Variants in HNRNPF observed in about 807,000 individuals in gnomAD.
HNRNPF encodes heterogeneous nuclear ribonucleoprotein F, also known as HnRNP F protein.
In HNRNPF, 2 loss-of-function variants were observed where a neutral mutation model predicts 26.0. The observed-to-expected ratio is 0.08, with a 90% CI of 0.03 to 0.24. The LOEUF (loss-of-function observed/expected upper bound fraction) is 0.24. HNRNPF is among the 10% of genes least tolerant of loss of function. The pLI, the probability that HNRNPF is intolerant of heterozygous loss-of-function variation, is 1.00. For missense variants in HNRNPF, 299 were observed against 539.2 expected (o/e 0.55, Z 4.41); for synonymous variants, 234 against 211.5 (o/e 1.11, Z -0.92).
chr10:43,386,883 C>G lies in HNRNPF; in HGVS notation c.1002G>C (p.Glu334Asp). 1.2e-6 allele frequency: 2 copies of G among 1,614,224 alleles called. No homozygotes were observed. The highest frequency in any genetic ancestry group is 1.7e-6 in the Non-Finnish European group (2 of 1,180,050). Residue 334 changes from glutamate to aspartate, a missense_variant, in exon 4 of 4, where the codon GAG (glutamate) becomes GAC (aspartate). Glu to Asp is a conservative substitution (Grantham distance 45). Coordinates refer to ENST00000682386, the MANE Select transcript of HNRNPF (RefSeq NM_001098204.2). ...DGRVTGEADVEFATHEEAVAA... is the reference protein window; with the variant it reads ...DGRVTGEADVDFATHEEAVAA... The stretch of plus-strand genomic sequence containing the variant: ...CCACAGCTTCTTCATGAGTAGCAAA[C>G]TCAACATCTGCTTCACCCGTCACTC...
In HNRNPF at chr10:43,387,765, G is replaced by A. The variant is rs138444709; in HGVS notation, c.120C>T (p.Ala40=). ...TAGTGTAGATGAAATGGACACCTGC[G>A]GCCCCATCATGAATCGTGCAGTCAG... The part of the protein sequence containing the change: ...FLSDCTIHDG[A]AGVHFIYTRE... The change falls in exon 4 of 4, where the codon GCC becomes GCT. Residue 40 remains alanine, a synonymous_variant. Transcript: ENST00000682386. The surrounding 1 kb of genome is among the most constrained non-coding windows in gnomAD (Gnocchi z 6.0). 4.7e-5 allele frequency: 76 copies of A among 1,612,986 alleles called. No individual in the cohort carries two copies. The highest frequency in any genetic ancestry group is 1.2e-4 in the South Asian group (11 of 91,016).
At chr10:43,391,477 AG>A (rs774375487) in intron 3 of HNRNPF, among the ~76,000 whole-genome samples, 2 of 151,894 alleles carry the variant, frequency 1.3e-5, no homozygotes, top group Non-Finnish European at 2.9e-5. Context: ...CCACCACACA[AG>A]AAAAAAAAAA....
At chr10:43,400,894 TAATA>T (rs879644242) in intron 1 of HNRNPF, among the ~76,000 whole-genome samples, 126 of 96,028 alleles carry the variant, frequency 1.3e-3, no homozygotes, top group Admixed American at 2.5e-3. Context: ...TCAGGAGGGC[TAATA>T]CGGTGAAACC....
chr10:43,402,135 A>C (rs1838771543), intron 1 of HNRNPF, among the ~76,000 whole-genome samples: 1 of 152,216 alleles, frequency 6.6e-6, no homozygotes, highest in Non-Finnish European at 1.5e-5. Flanking sequence ...TAAAAAAAAA[A>C]ACTTTCTGGA....
intron 2 of HNRNPF, among the ~76,000 whole-genome samples, 168 bp downstream of exon 2, chr10:43,396,288 C>T (rs1449885744): frequency 4.6e-5 from 7 of 152,240 alleles, no homozygotes; most frequent in Admixed American, 2.6e-4. Context: ...AGGAAGGATC[C>T]TGGCCTCCCC....
intron 3 of HNRNPF, among the ~76,000 whole-genome samples, chr10:43,390,958 T>C (rs1482436594): frequency 6.6e-6 from 1 of 151,964 alleles, no homozygotes. Context: ...CTCCAGACAT[T>C]CCCAAATGTT....
At position 43,387,549 on chromosome 10, in the gene HNRNPF, G is replaced by A. The variant is rs753415568; in HGVS notation, c.336C>T (p.Phe112=). The A allele has an allele frequency of 3.8e-5, 61 of 1,614,010 alleles. No homozygotes were observed. Among genetic ancestry groups the A allele is most frequent in the Middle Eastern group, 1.6e-4 (1 of 6,084 alleles). ...CAAATGGGAGTCCTCGAAGCCGCAC[G>A]AAGCCATCGTTGGCGCTGTCGGCAC... The part of the protein sequence containing the change: ...PNSADSANDG[F]VRLRGLPFGC... Residue 112 remains phenylalanine, a synonymous_variant, in exon 4 of 4, where the codon TTC becomes TTT. Transcript: ENST00000682386. The surrounding 1 kb of genome is among the most constrained non-coding windows in gnomAD (Gnocchi z 6.0).
At chr10:43,408,312 G>C (rs964110406) in intron 1 of HNRNPF, among the ~76,000 whole-genome samples, 2 of 152,136 alleles carry the variant, frequency 1.3e-5, no homozygotes, top group Non-Finnish European at 2.9e-5. Context: ...CTCAGCCCGC[G>C]GTGCTCACCG....
chr10:43,394,175 T>A (rs1445774805), intron 3 of HNRNPF, among the ~76,000 whole-genome samples: 5 of 152,172 alleles, frequency 3.3e-5, no homozygotes, highest in African/African-American at 1.2e-4. Context: ...GTTGCCCATG[T>A]GTAGGGGGGT....
intron 1 of HNRNPF, among the ~76,000 whole-genome samples, chr10:43,400,280 T>C (rs1265867593): frequency 6.6e-6 from 1 of 152,244 alleles, no homozygotes; most frequent in Non-Finnish European, 1.5e-5. Flanking sequence ...GGACACTTGT[T>C]CAAATTATTT....
Position 43,387,099 on chromosome 10 carries a change from T to C in HNRNPF, c.786A>G (p.Arg262=), listed in dbSNP as rs1439624000. 1 of 1,613,560 alleles carries C rather than the reference T, an allele frequency of 6.2e-7. No individual in the cohort carries two copies. Among genetic ancestry groups the C allele is most frequent in the South Asian group, 1.1e-5 (1 of 91,082 alleles). The change falls in exon 4 of 4, where the codon AGA becomes AGG. Residue 262 remains arginine, a synonymous_variant. Transcript: ENST00000682386. The surrounding 1 kb of genome is among the most constrained non-coding windows in gnomAD (Gnocchi z 6.0). ...TTCCGGAGAGACAGTAGCTGAGGTCTCTCCCGAACAGGTCGGTGGTGAAGC... is the reference window on the plus strand; with the variant it reads ...TTCCGGAGAGACAGTAGCTGAGGTCCCTCCCGAACAGGTCGGTGGTGAAGC... ...GYGFTTDLFG[R]DLSYCLSGMY... is the part of the protein sequence containing the mutation.
chr10:43,387,938 TG>T lies in HNRNPF; in HGVS notation c.-52-3del, dbSNP rs1838093838. 4.9e-6 allele frequency: 7 copies of T among 1,436,828 alleles called. No individual in the cohort carries two copies. Among genetic ancestry groups the T allele is most frequent in the South Asian group, 2.8e-5 (2 of 72,278 alleles). The allele number at this position is 1,436,828 out of a possible 1,614,324, so 89.0% of individuals were successfully genotyped here. A position where few individuals can be genotyped will look rare whatever the true frequency, so the allele number is the denominator to read the frequency against. ...ATCTTGGGTGTGGCTTTTTTGTGGC[TG>T]GAAAAAAAAAAAAGAAAAATTTATT... On this transcript the variant is annotated splice_polypyrimidine_tract_variant and splice_region_variant and intron_variant, in intron 3 of 3. Transcript: ENST00000682386. The surrounding 1 kb of genome is among the most constrained non-coding windows in gnomAD (Gnocchi z 6.0).
chr10:43,388,524 C>G (rs1223894463), intron 3 of HNRNPF, among the ~76,000 whole-genome samples: 2 of 152,184 alleles, frequency 1.3e-5, no homozygotes, highest in African/African-American at 4.8e-5. Context: ...TCAATTCAAA[C>G]TAAATACCAG....
chr10:43,398,260 G>C (rs1036432333), intron 1 of HNRNPF, among the ~76,000 whole-genome samples: 2 of 151,818 alleles, frequency 1.3e-5, no homozygotes, highest in African/African-American at 4.8e-5. Context: ...TCTTGACCTC[G>C]TGATCCCCCT....
chr10:43,396,949 G>A (rs1276893263), intron 1 of HNRNPF: 1 of 151,170 alleles, frequency 6.6e-6, no homozygotes, highest in Admixed American at 6.6e-5. Flanking sequence ...GGGGCCCTGA[G>A]GGCGAGAGCG....
chr10:43,399,402 T>C (rs1241434006), intron 1 of HNRNPF, among the ~76,000 whole-genome samples: 1 of 152,190 alleles, frequency 6.6e-6, no homozygotes, highest in Non-Finnish European at 1.5e-5. Context: ...GTTTTAATTA[T>C]TGATCAGTCA....
chr10:43,400,158 C>T (rs920179548), intron 1 of HNRNPF, among the ~76,000 whole-genome samples: 8 of 151,750 alleles, frequency 5.3e-5, no homozygotes, highest in African/African-American at 1.5e-4. Flanking sequence ...GACCAGCCTG[C>T]GCAGTATAGT....
intron 1 of HNRNPF, chr10:43,407,628 A>T (rs1474087236): frequency 2.0e-5 from 3 of 150,264 alleles, no homozygotes; most frequent in Admixed American, 2.0e-4. Context: ...AAAATACTTA[A>T]TACAAACAAA....
chr10:43,399,884 A>T (rs1838699281), intron 1 of HNRNPF, among the ~76,000 whole-genome samples: 1 of 152,236 alleles, frequency 6.6e-6, no homozygotes, highest in Non-Finnish European at 1.5e-5. Flanking sequence ...ATATATGATG[A>T]CAAATTTTAG....
Sources: gnomAD v4.1 joint callset for allele counts (sites outside exome capture counted in the v4.1 genomes callset) on GRCh38, gnomAD v4.1.1 for gene constraint, Gnocchi (gnomAD v3.1) non-coding constraint, MANE v1.5 for transcripts, NCBI Gene and HGNC (gene_info 2026-07-23, HGNC 2026-07-21) for gene names.